DPP10: variants seen among roughly 807,000 people sequenced by gnomAD.
DPP10 encodes dipeptidyl peptidase like 10.
A neutral mutation model predicts 120.9 loss-of-function variants in DPP10; 33 were observed. The observed-to-expected ratio is 0.27, with a 90% CI of 0.21 to 0.37. The LOEUF is 0.37. DPP10 is among the 10% of genes least tolerant of loss of function. The pLI, the probability that DPP10 is intolerant of heterozygous loss-of-function variation, is 1.00. For missense variants in DPP10, 816 were observed against 942.8 expected (o/e 0.87, Z 1.76); for synonymous variants, 337 against 326.1 (o/e 1.03, Z -0.36).
intron 1 of DPP10, among the ~76,000 whole-genome samples, chr2:115,283,721 G>T (rs908660583): frequency 1.3e-5 from 2 of 152,048 alleles, no homozygotes; most frequent in Admixed American, 1.3e-4. Flanking sequence ...GAGTATGTAT[G>T]TAGTCATGTA....
intron 1 of DPP10, among the ~76,000 whole-genome samples, chr2:114,732,778 C>T (rs1677042733): frequency 6.6e-6 from 1 of 152,006 alleles, no homozygotes; most frequent in African/African-American, 2.4e-5. Context: ...TACTATATGC[C>T]AAGCATTTTA....
rs538178625 is a variant in DPP10 at position 115,711,185 on chromosome 2, G to A, written c.577-16631G>A. Reference sequence around the variant, plus strand: ...GGTGAGGGGAGTGAATAGTGGATTCGCTGTCTTAGAACCACAGTTTCTTAA... The same window carrying A: ...GGTGAGGGGAGTGAATAGTGGATTCACTGTCTTAGAACCACAGTTTCTTAA... On this transcript the variant is annotated intron_variant, in intron 7 of 25. Transcript: ENST00000410059. Among the ~76,000 whole-genome samples the A allele has an allele frequency of 1.2e-3, 187 of 152,104 alleles. 1 individual carries two copies. Among genetic ancestry groups the A allele is most frequent in the Non-Finnish European group, 2.0e-3 (136 of 67,966 alleles).
chr2:115,517,704 C>T (rs2077577430), intron 4 of DPP10, among the ~76,000 whole-genome samples: 1 of 151,940 alleles, frequency 6.6e-6, no homozygotes. Flanking sequence ...TCACGATTGA[C>T]AATACGTGAA....
chr2:115,539,835 C>A (rs182940979), intron 5 of DPP10, among the ~76,000 whole-genome samples: 1 of 150,838 alleles, frequency 6.6e-6, no homozygotes, highest in Admixed American at 6.6e-5. Context: ...AAAACCACAA[C>A]CAGATATACA....
chr2:115,222,165 T>G (rs996847595), intron 1 of DPP10, among the ~76,000 whole-genome samples: 1 of 151,878 alleles, frequency 6.6e-6, no homozygotes, highest in Admixed American at 6.6e-5. Flanking sequence ...ATCTTTAGAG[T>G]AAATGAGTAA....
chr2:114,966,539 C>T (rs1003156823), intron 1 of DPP10, among the ~76,000 whole-genome samples: 4 of 152,170 alleles, frequency 2.6e-5, no homozygotes, highest in Non-Finnish European at 5.9e-5. Context: ...CCAGATGCAA[C>T]AGGCTGATCT....
At chr2:114,758,367 A>C (rs1285472419) in intron 1 of DPP10, among the ~76,000 whole-genome samples, 2 of 152,162 alleles carry the variant, frequency 1.3e-5, no homozygotes, top group African/African-American at 4.8e-5. Flanking sequence ...CATTTCACCC[A>C]ATCATATTTT....
intron 1 of DPP10, among the ~76,000 whole-genome samples, chr2:115,267,565 T>A (rs2059511148): frequency 6.6e-6 from 1 of 152,106 alleles, no homozygotes; most frequent in Non-Finnish European, 1.5e-5. Flanking sequence ...TGCATCGCTC[T>A]CTGTATTCCC....
At chr2:115,397,455 T>C (rs1436371146) in intron 3 of DPP10, among the ~76,000 whole-genome samples, 6 of 152,186 alleles carry the variant, frequency 3.9e-5, no homozygotes, top group Non-Finnish European at 8.8e-5. Flanking sequence ...TGTGCCATAG[T>C]CATATTATTA....
intron 1 of DPP10, among the ~76,000 whole-genome samples, chr2:114,826,536 T>A (rs187117240): frequency 4.5e-4 from 68 of 152,136 alleles, no homozygotes; most frequent in Admixed American, 5.2e-4. Flanking sequence ...CAGAGAAAAT[T>A]TTTTATTTTT....
At chr2:115,171,049 T>G (rs2053282021) in intron 1 of DPP10, among the ~76,000 whole-genome samples, 1 of 152,144 alleles carries the variant, frequency 6.6e-6, no homozygotes, top group African/African-American at 2.4e-5. Flanking sequence ...AAGAGTTGAT[T>G]GACTTTCTGA....
intron 1 of DPP10, among the ~76,000 whole-genome samples, chr2:115,130,040 C>T (rs1303348715): frequency 6.6e-6 from 1 of 152,146 alleles, no homozygotes; most frequent in Admixed American, 6.5e-5. Context: ...TTAGGACTCA[C>T]TAAACCATTT....
chr2:115,725,269 C>G (rs889931473), intron 7 of DPP10, among the ~76,000 whole-genome samples: 3 of 152,092 alleles, frequency 2.0e-5, no homozygotes, highest in African/African-American at 4.8e-5. Flanking sequence ...ATACTTGCAG[C>G]TCTCAAATTG....
intron 17 of DPP10, among the ~76,000 whole-genome samples, chr2:115,784,038 G>A (rs958261551): frequency 6.6e-6 from 1 of 152,130 alleles, no homozygotes; most frequent in African/African-American, 2.4e-5. Flanking sequence ...GTTGTTACAA[G>A]GCAATGTCTT....
At chr2:114,520,289 C>T (rs181399479) in intron 1 of DPP10, among the ~76,000 whole-genome samples, 39 of 152,284 alleles carry the variant, frequency 2.6e-4, no homozygotes, top group Admixed American at 7.2e-4. Context: ...ACATCAGAGG[C>T]ACTCAATAGA....
At chr2:115,368,203 G>C (rs954103690) in intron 3 of DPP10, among the ~76,000 whole-genome samples, 1 of 152,108 alleles carries the variant, frequency 6.6e-6, no homozygotes, top group African/African-American at 2.4e-5. Context: ...AATTATGACA[G>C]AGAGAGAAAT....
At chr2:114,700,211 G>A (rs1381383950) in intron 1 of DPP10, among the ~76,000 whole-genome samples, 1 of 152,014 alleles carries the variant, frequency 6.6e-6, no homozygotes, top group African/African-American at 2.4e-5. Context: ...AGGGGGGAAA[G>A]CAACTGTTTT....
At chr2:115,146,437 CCT>C (rs1002272768) in intron 1 of DPP10, among the ~76,000 whole-genome samples, 13 of 151,724 alleles carry the variant, frequency 8.6e-5, no homozygotes, top group African/African-American at 2.7e-4. Flanking sequence ...TTACAAAATC[CCT>C]GTTATTTATA....
rs544175547 is a variant in DPP10, at chr2:115,828,791, C to T, written c.1951-7366C>T. Among the ~76,000 whole-genome samples the T allele has an allele frequency of 3.3e-5, 5 of 152,132 alleles. No homozygotes were observed. The South Asian group carries it at 6.2e-4, about 19-fold the overall frequency. ...AAATCTCATTTCTGCTGCTTCATCACGTTGGAATTGTAAACTTTTAAATAA... is the reference window on the plus strand; with the variant it reads ...AAATCTCATTTCTGCTGCTTCATCATGTTGGAATTGTAAACTTTTAAATAA... On this transcript the variant is annotated intron_variant, in intron 21 of 25. Coordinates refer to ENST00000410059, the MANE Select transcript of DPP10 (RefSeq NM_020868.6).
Sources: gnomAD v4.1 joint callset for allele counts (sites outside exome capture counted in the v4.1 genomes callset) on GRCh38, gnomAD v4.1.1 for gene constraint, MANE v1.5 for transcripts, NCBI Gene and HGNC (gene_info 2026-07-23, HGNC 2026-07-21) for gene names.